The following BCOR variants were observed in gnomAD, a reference collection of about 807,000 sequenced individuals.
BCOR encodes BCL-6 corepressor.
A neutral mutation model predicts 86.7 loss-of-function variants in BCOR; 10 were observed. That is an observed-to-expected ratio of 0.12 (90% CI 0.07 to 0.20). The LOEUF (loss-of-function observed/expected upper bound fraction) is 0.20. Ranked by LOEUF, BCOR falls within the 10% of genes least tolerant of loss-of-function variation. The pLI is 1.00. For synonymous variants in BCOR, 611 were observed against 609.0 expected (o/e 1.00, Z -0.05); for missense variants, 1,259 against 1,452.1 (o/e 0.87, Z 2.16).
At chrX:40,070,372 G>T (rs1053333305) in intron 6 of BCOR, among the ~76,000 whole-genome samples, 2 of 111,783 alleles carry the variant, frequency 1.8e-5, no homozygotes, top group African/African-American at 6.5e-5. Flanking sequence ...TGGGGTGGGG[G>T]ACCTGCTGTA....
chrX:40,163,901 G>C (rs1034603134), intron 1 of BCOR, among the ~76,000 whole-genome samples: 1 of 110,092 alleles, frequency 9.1e-6, no homozygotes, highest in African/African-American at 3.3e-5. Context: ...GTGCATGCCT[G>C]TAATTCCAGC....
intron 1 of BCOR, among the ~76,000 whole-genome samples, chrX:40,082,040 TATG>T (rs1330466611): frequency 8.9e-6 from 1 of 112,596 alleles, no homozygotes; most frequent in African/African-American, 3.2e-5. Context: ...AGCCAAGGGT[TATG>T]ATGAGAGCAC....
rs774138158 is a variant in BCOR, at chrX:40,119,349, A to G, written c.-40-41380T>C. 4.0e-3 allele frequency among the ~76,000 whole-genome samples: 430 copies of G among 108,794 alleles called. 3 individuals carry two copies. Among genetic ancestry groups the G allele is most frequent in the Non-Finnish European group, 6.6e-3 (343 of 52,305 alleles). 94.5% of individuals were successfully genotyped at this position (108,794 alleles called of 115,157 possible). ...GCGCTTTGCCTATGTCAAGTTTTAA[A>G]GTGGGCAAAGGTTTTAATCTGAGTT... On this transcript the variant is annotated intron_variant, in intron 1 of 14. Transcript: ENST00000342274.
chrX:40,136,971 G>A (rs1169213659), intron 1 of BCOR, among the ~76,000 whole-genome samples: 2 of 111,971 alleles, frequency 1.8e-5, no homozygotes, highest in Non-Finnish European at 3.8e-5. Flanking sequence ...GGCTTTGCCA[G>A]TGCCATCCAA....
intron 2 of BCOR, chrX:40,076,858 G>A (rs1001079140): frequency 1.8e-5 from 6 of 326,588 alleles, no homozygotes; most frequent in Admixed American, 3.3e-5. Flanking sequence ...TAGGCCAATC[G>A]GAGCTCGGCT....
intron 1 of BCOR, among the ~76,000 whole-genome samples, chrX:40,140,764 G>A (rs1279228656): frequency 8.8e-6 from 1 of 113,270 alleles, no homozygotes; most frequent in Non-Finnish European, 1.9e-5. Flanking sequence ...GGACCATGTG[G>A]TCCAATATCC....
chrX:40,090,597 G>A (rs929901585), intron 1 of BCOR, among the ~76,000 whole-genome samples: 7 of 111,465 alleles, frequency 6.3e-5, no homozygotes, highest in Non-Finnish European at 1.3e-4. Context: ...ACCTGGAGAG[G>A]GCGGCTTCCC....
chrX:40,176,361 C>T (rs1938752485), intron 1 of BCOR, among the ~76,000 whole-genome samples: 1 of 112,875 alleles, frequency 8.9e-6, no homozygotes, highest in African/African-American at 3.2e-5. Flanking sequence ...CTCGGCCTCA[C>T]GGATCCCCTC....
intron 1 of BCOR, among the ~76,000 whole-genome samples, chrX:40,108,552 G>A (rs1447812575): frequency 8.8e-6 from 1 of 113,402 alleles, no homozygotes; most frequent in African/African-American, 3.2e-5. Flanking sequence ...GGCGGGTCCC[G>A]CCATGGCCTC....
chrX:40,145,134 G>C (rs1938014162), intron 1 of BCOR, among the ~76,000 whole-genome samples: 1 of 111,487 alleles, frequency 9.0e-6, no homozygotes, highest in African/African-American at 3.3e-5. Context: ...GGAGCTGCCA[G>C]GAGTCGGGAG....
intron 1 of BCOR, among the ~76,000 whole-genome samples, chrX:40,170,690 T>G (rs1938602565): frequency 1.8e-5 from 2 of 112,045 alleles, no homozygotes; most frequent in African/African-American, 6.5e-5. Context: ...CTCCCTTTCT[T>G]CCCCATTAAC....
intron 1 of BCOR, among the ~76,000 whole-genome samples, chrX:40,079,506 GAAC>G (rs1414945997): frequency 1.1e-4 from 12 of 111,749 alleles, no homozygotes; most frequent in Admixed American, 7.6e-4. Flanking sequence ...CATCCCCATA[GAAC>G]AACGTCTGTT....
intron 1 of BCOR, among the ~76,000 whole-genome samples, chrX:40,147,339 C>T (rs1938081004): frequency 8.9e-6 from 1 of 112,794 alleles, no homozygotes; most frequent in Non-Finnish European, 1.9e-5. Context: ...CCAGTTTCGG[C>T]CTAGGGCTGA....
At chrX:40,093,188 A>C (rs1936695701) in intron 1 of BCOR, among the ~76,000 whole-genome samples, 2 of 112,091 alleles carry the variant, frequency 1.8e-5, no homozygotes, top group African/African-American at 6.5e-5. Context: ...TTTATCTCTT[A>C]TGTATCTCTT....
intron 1 of BCOR, among the ~76,000 whole-genome samples, chrX:40,107,067 G>C (rs927927092): frequency 4.4e-5 from 5 of 112,414 alleles, no homozygotes; most frequent in African/African-American, 1.6e-4. Flanking sequence ...TTGGTCATTC[G>C]GGGCTTTGTA....
chrX:40,151,514 A>G (rs760979792), intron 1 of BCOR, among the ~76,000 whole-genome samples: 3 of 112,477 alleles, frequency 2.7e-5, no homozygotes, highest in African/African-American at 9.7e-5. Context: ...CAGTTCCGAT[A>G]AGGCTTTACC....
intron 2 of BCOR, 176 bp downstream of exon 2, chrX:40,077,668 G>A (rs765281782): frequency 2.0e-5 from 9 of 454,688 alleles, no homozygotes; most frequent in Non-Finnish European, 3.5e-5. Context: ...TTTAAAGGGC[G>A]GCAATGCTTC....
intron 1 of BCOR, among the ~76,000 whole-genome samples, chrX:40,092,475 A>G (rs1162758168): frequency 9.1e-6 from 1 of 110,429 alleles, no homozygotes; most frequent in Non-Finnish European, 1.9e-5. Context: ...AAAAAAAAAA[A>G]GAAAAGAAAG....
chrX:40,077,169 C>A (rs944085050), intron 2 of BCOR: 4 of 158,587 alleles, frequency 2.5e-5, no homozygotes, highest in African/African-American at 9.5e-5. Flanking sequence ...CTGTGCCAGG[C>A]TGCTGCGGCT....
Sources: allele counts gnomAD v4.1 joint callset (sites outside exome capture counted in the v4.1 genomes callset), GRCh38; gene constraint gnomAD v4.1.1; transcripts MANE v1.5; gene names NCBI Gene and HGNC (gene_info 2026-07-23, HGNC 2026-07-21).